BCAR3: variants seen among roughly 807,000 people sequenced by gnomAD.
The protein encoded by BCAR3 is breast cancer anti-estrogen resistance protein 3.
A neutral mutation model predicts 80.1 loss-of-function variants in BCAR3; 37 were observed. The ratio of observed to expected loss-of-function variants is 0.46; its 90% CI spans 0.36 to 0.61. The LOEUF (loss-of-function observed/expected upper bound fraction) is 0.61. BCAR3 is among the 20% of genes least tolerant of loss of function. BCAR3 has a pLI of 0.00. For missense variants in BCAR3, 978 were observed against 1,068.2 expected (o/e 0.92, Z 1.18); for synonymous variants, 389 against 418.9 (o/e 0.93, Z 0.87).
intron 2 of BCAR3, among the ~76,000 whole-genome samples, chr1:93,842,608 A>G (rs1485941209): frequency 1.3e-5 from 2 of 152,168 alleles, no homozygotes; most frequent in South Asian, 2.1e-4. Flanking sequence ...GACCCTCTGG[A>G]CCCACTCCAT....
chr1:93,827,267 T>C (rs912150232), intron 2 of BCAR3, among the ~76,000 whole-genome samples: 4 of 152,158 alleles, frequency 2.6e-5, no homozygotes, highest in African/African-American at 9.7e-5. Context: ...AAGTACTGCA[T>C]CCATCTGGCT....
intron 3 of BCAR3, among the ~76,000 whole-genome samples, chr1:93,689,386 C>T (rs1649089433): frequency 6.6e-6 from 1 of 152,068 alleles, no homozygotes; most frequent in African/African-American, 2.4e-5. Flanking sequence ...TAAAAATTAG[C>T]CGGGTGTGGT....
chr1:93,799,986 C>A (rs1653419542), intron 2 of BCAR3, among the ~76,000 whole-genome samples: 1 of 152,158 alleles, frequency 6.6e-6, no homozygotes, highest in African/African-American at 2.4e-5. Context: ...TGGGGAATCA[C>A]AATCTTGTTA....
chr1:93,743,116 G>GC (rs1292168970), intron 2 of BCAR3, among the ~76,000 whole-genome samples: 3 of 152,062 alleles, frequency 2.0e-5, no homozygotes, highest in Admixed American at 1.3e-4. Flanking sequence ...TTTGTTATCA[G>GC]AAAAAAATGT....
chr1:93,570,310 A>G (rs1432186477), intron 9 of BCAR3, among the ~76,000 whole-genome samples: 1 of 152,246 alleles, frequency 6.6e-6, no homozygotes, highest in Non-Finnish European at 1.5e-5. Context: ...GCAGGATTTC[A>G]GAGCTAACCT....
At chr1:93,650,646 C>T (rs1282369894) in intron 2 of BCAR3, among the ~76,000 whole-genome samples, 1 of 152,104 alleles carries the variant, frequency 6.6e-6, no homozygotes, top group African/African-American at 2.4e-5. Context: ...ATACTTAAAA[C>T]AGCACCTGGC....
chr1:93,766,919 T>C (rs917847250), intron 2 of BCAR3, among the ~76,000 whole-genome samples: 3 of 152,156 alleles, frequency 2.0e-5, no homozygotes, highest in Non-Finnish European at 4.4e-5. Flanking sequence ...ACAAAGGCTA[T>C]GTTGTAGAGA....
intron 2 of BCAR3, chr1:93,752,878 G>A (rs1354337811): frequency 6.6e-6 from 1 of 152,216 alleles, no homozygotes; most frequent in Non-Finnish European, 1.5e-5. Flanking sequence ...TTTTGACTCT[G>A]GCAAGATTTG....
Position 93,571,840 on chromosome 1 carries a change from G to A in BCAR3, c.1804C>T (p.His602Tyr), listed in dbSNP as rs146397531. The A allele has an allele frequency of 2.3e-4, 369 of 1,611,528 alleles. 3 individuals carry two copies. In the African/African-American group the frequency reaches 4.5e-3, roughly 20 times the overall value. The change falls in exon 9 of 12, where the codon CAC becomes TAC. Residue 602 changes from histidine to tyrosine, a missense_variant and splice_region_variant. Transcript: ENST00000260502. ...GCAATGCCGATGGCCATTGTGTTGT[G>A]TCTGAAAGCCAGGAGATCAGCGGTC... ...HQLRLDIIER[H>Y]NTMAIGIAVD... is the part of the protein sequence containing the mutation.
intron 3 of BCAR3, among the ~76,000 whole-genome samples, chr1:93,618,302 G>A (rs1675201173): frequency 6.6e-6 from 1 of 152,232 alleles, no homozygotes; most frequent in Non-Finnish European, 1.5e-5. Flanking sequence ...ATTTAGGAGT[G>A]CGTGCTGTAC....
chr1:93,812,699 C>T (rs61782403), intron 2 of BCAR3, among the ~76,000 whole-genome samples: 12,916 of 152,288 alleles, frequency 0.085, 629 homozygotes, highest in African/African-American at 0.12. Flanking sequence ...TTGATTGTGA[C>T]TCTCACATGT....
intron 2 of BCAR3, among the ~76,000 whole-genome samples, chr1:93,726,898 A>G (rs1650604674): frequency 6.6e-6 from 1 of 152,174 alleles, no homozygotes; most frequent in African/African-American, 2.4e-5. Context: ...TTACTAACGA[A>G]GCTGAGCATC....
At chr1:93,745,606 G>A (rs61658150) in intron 2 of BCAR3, among the ~76,000 whole-genome samples, 17,832 of 152,146 alleles carry the variant, frequency 0.12, 1,462 homozygotes, top group African/African-American at 0.22. Context: ...GCTACTTGAT[G>A]TGCAGAAGAA....
intron 2 of BCAR3, among the ~76,000 whole-genome samples, chr1:93,841,199 A>C (rs1654948664): frequency 6.6e-6 from 1 of 152,082 alleles, no homozygotes; most frequent in Non-Finnish European, 1.5e-5. Context: ...TCTTTGCCCC[A>C]CTGACTTTCT....
intron 7 of BCAR3, among the ~76,000 whole-genome samples, chr1:93,578,094 G>A (rs752508711): frequency 6.6e-6 from 1 of 152,184 alleles, no homozygotes; most frequent in South Asian, 2.1e-4. Flanking sequence ...AAGCACCCCC[G>A]ATGAGGCTTC....
In BCAR3 at chr1:93,561,990, CTT is replaced by C; in HGVS notation, c.*249_*250del. 1 of 325,832 alleles carries C rather than the reference CTT, an allele frequency of 3.1e-6. No individual in the cohort carries two copies. Among genetic ancestry groups the C allele is most frequent in the Non-Finnish European group, 5.5e-6 (1 of 183,260 alleles). 20.2% of individuals were successfully genotyped at this position (325,832 alleles called of 1,614,324 possible). ...ACCAGCCAACATAGCTAGGTCTTCT[CTT>C]AAATTTGCTGATCAACATTAGCAGT... is the stretch of plus-strand genomic sequence containing the variant. On this transcript the variant is annotated 3_prime_UTR_variant, in exon 12 of 12. Transcript: ENST00000260502.
At chr1:93,694,462 T>A (rs1365896876) in intron 3 of BCAR3, among the ~76,000 whole-genome samples, 1 of 152,176 alleles carries the variant, frequency 6.6e-6, no homozygotes, top group Admixed American at 6.5e-5. Flanking sequence ...CCTCTGGGCA[T>A]GAATTCTCTC....
rs1291606634 is a variant in BCAR3, at chr1:93,562,351, T to A, written c.2368A>T (p.Ser790Cys). 3 of 1,614,084 alleles carry A rather than the reference T, an allele frequency of 1.9e-6. No individual in the cohort carries two copies. In the Admixed American group the frequency reaches 5.0e-5, roughly 27 times the overall value. ...GTCTGATTGACTTGTGCACCTTTGC[T>A]GCCCCATAGCAATCGCATTTGAAAT... The part of the protein sequence containing the change: ...TEFQMRLLWG[S>C]KGAQVNQTER... Residue 790 changes from serine (S) to cysteine (C), a missense_variant, in exon 12 of 12, where the codon AGC becomes TGC. Transcript: ENST00000260502.
chr1:93,657,566 A>G (rs1647446246), intron 2 of BCAR3, among the ~76,000 whole-genome samples: 2 of 152,186 alleles, frequency 1.3e-5, no homozygotes, highest in African/African-American at 2.4e-5. Context: ...TAAAATATAT[A>G]TCATAATCAA....
Sources: allele counts gnomAD v4.1 joint callset (sites outside exome capture counted in the v4.1 genomes callset), GRCh38; gene constraint gnomAD v4.1.1; transcripts MANE v1.5; gene names NCBI Gene and HGNC (gene_info 2026-07-23, HGNC 2026-07-21).